Variants in CREBRF observed in about 807,000 individuals in gnomAD.
CREBRF encodes the protein UPF0474 protein C5orf41.
A neutral mutation model predicts 66.1 loss-of-function variants in CREBRF; 5 were observed. The observed-to-expected ratio is 0.08, with a 90% confidence interval of 0.04 to 0.16. The LOEUF is 0.16. Ranked by LOEUF, CREBRF falls within the 10% of genes least tolerant of loss-of-function variation. CREBRF has a pLI of 1.00. For synonymous variants in CREBRF, 229 were observed against 264.4 expected (o/e 0.87, Z 1.30); for missense variants, 531 against 744.9 (o/e 0.71, Z 3.34).
At chr5:173,116,814 C>A (rs251237) in intron 7 of CREBRF, among the ~76,000 whole-genome samples, 73,131 of 150,924 alleles carry the variant, frequency 0.48, 18,837 homozygotes, top group Non-Finnish European at 0.58. Context: ...ACTGTTTTCC[C>A]AACTGACTGT....
chr5:173,077,332 C>T (rs1047159078), intron 1 of CREBRF, among the ~76,000 whole-genome samples: 1 of 152,176 alleles, frequency 6.6e-6, no homozygotes, highest in Non-Finnish European at 1.5e-5. Flanking sequence ...TCATCTTTAG[C>T]TGTACAATTT....
intron 3 of CREBRF, among the ~76,000 whole-genome samples, chr5:173,087,533 TAA>T (rs1033781555): frequency 6.6e-6 from 1 of 151,328 alleles, no homozygotes; most frequent in Non-Finnish European, 1.5e-5. Context: ...CCGTCTCTGC[TAA>T]AAATACAAAA....
chr5:173,086,169 ACAGCACCAT>A, intron 2 of CREBRF: 1 of 776,936 alleles, frequency 1.3e-6, no homozygotes, highest in Non-Finnish European at 2.4e-6. Context: ...TGTTTTGCCA[ACAGCACCAT>A]CACCCACAAC....
At chr5:173,114,116 G>A (rs1335604411) in intron 7 of CREBRF, among the ~76,000 whole-genome samples, 1 of 152,076 alleles carries the variant, frequency 6.6e-6, no homozygotes, top group Non-Finnish European at 1.5e-5. Flanking sequence ...TGTTTCCTTT[G>A]GTGAGGGCAG....
chr5:173,090,802 C>T lies in CREBRF; in HGVS notation c.623C>T (p.Thr208Ile). ...SDCVQKASKP[T>I]SSTQIMVKTN... is the part of the protein sequence containing the mutation. The stretch of plus-strand genomic sequence containing the variant: ...TGTGTCCAAAAAGCAAGTAAACCCA[C>T]TTCAAGCACACAAATCATGGTGAAG... Residue 208 changes from threonine to isoleucine, a missense_variant, in exon 4 of 9, where the codon ACT becomes ATT. Around this residue, in one of 5 missense-constraint regions of CREBRF, gnomAD observed 309 missense variants for 341.4 expected, o/e 0.90. Coordinates refer to ENST00000296953, the MANE Select transcript of CREBRF (RefSeq NM_153607.3). The surrounding 1 kb of genome is among the most constrained non-coding windows in gnomAD (Gnocchi z 4.5). 1 of 1,614,142 alleles carries T rather than the reference C, an allele frequency of 6.2e-7. No homozygotes were observed. The highest frequency in any genetic ancestry group is 1.1e-5 in the South Asian group (1 of 91,080).
intron 5 of CREBRF, chr5:173,109,718 A>G (rs1294392925): frequency 6.6e-6 from 1 of 152,270 alleles, no homozygotes; most frequent in South Asian, 2.1e-4. Context: ...TACGAATGTG[A>G]GTTGCAAAGG....
chr5:173,129,527 G>A (rs1228040741), intron 8 of CREBRF, among the ~76,000 whole-genome samples: 1 of 151,960 alleles, frequency 6.6e-6, no homozygotes, highest in Non-Finnish European at 1.5e-5. Flanking sequence ...TTCGAAGCCA[G>A]CTTGGGCAAC....
At chr5:173,124,732 T>G (rs1433992405) in intron 8 of CREBRF, among the ~76,000 whole-genome samples, 1 of 152,020 alleles carries the variant, frequency 6.6e-6, no homozygotes, top group Non-Finnish European at 1.5e-5. Context: ...TTTTTATGTT[T>G]ATACTGTGTT....
At chr5:173,099,260 A>G (rs1268141382) in intron 4 of CREBRF, among the ~76,000 whole-genome samples, 5 of 152,090 alleles carry the variant, frequency 3.3e-5, no homozygotes, top group Non-Finnish European at 1.5e-5. Flanking sequence ...GACTCAAGCA[A>G]TCTTCCCACC....
chr5:173,106,554 G>T (rs1040056852), intron 4 of CREBRF, among the ~76,000 whole-genome samples: 15 of 152,070 alleles, frequency 9.9e-5, no homozygotes, highest in Non-Finnish European at 1.9e-4. Context: ...CTTAACTGTT[G>T]CTCAGAAATC....
intron 5 of CREBRF, 64 bp downstream of exon 5, chr5:173,108,882 A>G (rs1758809468): frequency 1.4e-6 from 2 of 1,459,452 alleles, no homozygotes; most frequent in South Asian, 2.4e-5. Flanking sequence ...CTAATCCATA[A>G]TGTTTACTCC....
intron 4 of CREBRF, among the ~76,000 whole-genome samples, 196 bp from the exon 5 acceptor site, chr5:173,108,428 C>G (rs903694503): frequency 6.6e-6 from 1 of 152,054 alleles, no homozygotes; most frequent in Non-Finnish European, 1.5e-5. Context: ...GTTTATTAAT[C>G]TCGGAATGTT....
chr5:173,065,114 G>T (rs1186517039), intron 1 of CREBRF, among the ~76,000 whole-genome samples: 1 of 152,182 alleles, frequency 6.6e-6, no homozygotes, highest in Non-Finnish European at 1.5e-5. Flanking sequence ...GCAGCCCAAT[G>T]TTACGATGGT....
chr5:173,081,636 C>T (rs528002986), intron 2 of CREBRF, among the ~76,000 whole-genome samples: 6 of 152,194 alleles, frequency 3.9e-5, no homozygotes, highest in East Asian at 1.9e-4. Flanking sequence ...AAAAGACCAG[C>T]GGCCGGCTAG....
rs538578696 is a variant in CREBRF at position 173,091,540 on chromosome 5, T to C, written c.1222+139T>C. On this transcript the variant is annotated intron_variant, in intron 4 of 8. Transcript: ENST00000296953. ...AATGACTTAAACCTTGGATTGGATA[T>C]GTAATTGGTTTTTCTATTCAAATAG... is the stretch of plus-strand genomic sequence containing the variant. 2.8e-6 allele frequency: 4 copies of C among 1,454,410 alleles called. No individual in the cohort carries two copies. The Admixed American group carries it at 1.1e-4, about 40-fold the overall frequency. The allele number at this position is 1,454,410 out of a possible 1,614,324, so 90.1% of individuals were successfully genotyped here. A position where few individuals can be genotyped will look rare whatever the true frequency, so the allele number is the denominator to read the frequency against.
chr5:173,119,228 T>C (rs879427018), intron 7 of CREBRF, among the ~76,000 whole-genome samples: 1 of 152,218 alleles, frequency 6.6e-6, no homozygotes, highest in Admixed American at 6.5e-5. Context: ...TACTGGAATT[T>C]TAATTGGGAT....
rs867538666 is a variant in CREBRF, at chr5:173,104,742, T to A, written c.1223-3882T>A. 3.4e-3 allele frequency among the ~76,000 whole-genome samples: 478 copies of A among 139,732 alleles called. 1 individual carries two copies. Among genetic ancestry groups the A allele is most frequent in the African/African-American group, 7.6e-3 (271 of 35,826 alleles). The allele number at this position is 139,732 out of a possible 152,430, so 91.7% of individuals were successfully genotyped here. Reference sequence around the variant, plus strand: ...GAGAGAGAGAGAGAGAGAGAGAGAGTGTGTGTGTGTGTGTATTTTTGTGAT... The same window carrying A: ...GAGAGAGAGAGAGAGAGAGAGAGAGAGTGTGTGTGTGTGTATTTTTGTGAT... On this transcript the variant is annotated intron_variant, in intron 4 of 8. Coordinates refer to ENST00000296953, the MANE Select transcript of CREBRF (RefSeq NM_153607.3).
chr5:173,074,342 A>C (rs943305512), intron 1 of CREBRF, among the ~76,000 whole-genome samples: 3 of 152,014 alleles, frequency 2.0e-5, no homozygotes, highest in Admixed American at 1.3e-4. Flanking sequence ...TGGTTCCCAA[A>C]GAGCTTTGAC....
chr5:173,130,771 G>A (rs748498922), intron 8 of CREBRF, among the ~76,000 whole-genome samples: 18 of 151,942 alleles, frequency 1.2e-4, no homozygotes, highest in Non-Finnish European at 1.6e-4. Flanking sequence ...GTGCAGTGGC[G>A]TGATCTTGGC....
Sources: gnomAD v4.1 joint callset for allele counts (sites outside exome capture counted in the v4.1 genomes callset) on GRCh38, gnomAD v4.1.1 for gene constraint, gnomAD v4.1.1 regional missense constraint, Gnocchi (gnomAD v3.1) non-coding constraint, MANE v1.5 for transcripts, NCBI Gene and HGNC (gene_info 2026-07-23, HGNC 2026-07-21) for gene names.